The following FAR2 variants were observed in gnomAD, a reference collection of about 807,000 sequenced individuals.
FAR2 encodes fatty acyl-CoA reductase 2.
In FAR2, 19 loss-of-function variants were observed where a neutral mutation model predicts 56.0. The observed-to-expected ratio is 0.34, with a 90% CI of 0.24 to 0.50. The LOEUF (loss-of-function observed/expected upper bound fraction) is 0.50, where lower values mean the gene tolerates loss of function less well. Among genes scored for constraint, FAR2 ranks in the 20% least tolerant of loss-of-function variants. FAR2 has a pLI of 0.98. For synonymous variants in FAR2, 219 were observed against 218.8 expected (o/e 1.00, Z -0.01); for missense variants, 508 against 642.2 (o/e 0.79, Z 2.26).
intron 1 of FAR2, among the ~76,000 whole-genome samples, chr12:29,181,235 G>C (rs7309466): frequency 0.083 from 12,691 of 152,048 alleles, 620 homozygotes; most frequent in East Asian, 0.15. Context: ...AAGGTTGAAT[G>C]TTTTTTCTTT....
intron 10 of FAR2, among the ~76,000 whole-genome samples, chr12:29,331,219 T>G (rs1591978458): frequency 1.3e-5 from 2 of 152,018 alleles, no homozygotes; most frequent in South Asian, 4.2e-4. Context: ...GCTTTTTTTT[T>G]TTTTTAATGT....
chr12:29,263,277 A>T (rs1216395766), intron 1 of FAR2, among the ~76,000 whole-genome samples: 2 of 152,190 alleles, frequency 1.3e-5, no homozygotes, highest in East Asian at 3.8e-4. Context: ...ATTGAACTTA[A>T]TCTGCACTGT....
intron 1 of FAR2, among the ~76,000 whole-genome samples, chr12:29,169,283 G>A (rs1949863077): frequency 1.3e-5 from 2 of 152,172 alleles, no homozygotes; most frequent in Admixed American, 1.3e-4. Context: ...GTCCTCCAGA[G>A]GTGAACTCTT....
chr12:29,157,106 TTATATATATATATATATATATATA>T lies in FAR2; in HGVS notation c.-39+7715_-39+7738del, dbSNP rs5797307. On this transcript the variant is annotated intron_variant, in intron 1 of 11. Transcript: ENST00000536681. ...CACCAGTATTAAAGCAAAGAACATT[TTATATATATATATATATATATATA>T]TATATATATATATATGTATCAATGT... The T allele has an allele frequency of 1.1e-3, 78 of 73,450 alleles. 1 individual carries two copies. Among genetic ancestry groups the T allele is most frequent in the African/African-American group, 7.4e-4 (14 of 18,932 alleles). The allele number at this position is 73,450 out of a possible 1,614,324, so 4.5% of individuals were successfully genotyped here.
At chr12:29,323,697 G>C (rs1179085727) in intron 10 of FAR2, among the ~76,000 whole-genome samples, 10 of 152,184 alleles carry the variant, frequency 6.6e-5, no homozygotes, top group Non-Finnish European at 1.5e-4. Flanking sequence ...CTGACTGTTA[G>C]AAGGAAAACT....
chr12:29,332,559 C>A, intron 10 of FAR2, 41 bp from the exon 11 acceptor site: 1 of 1,611,738 alleles, frequency 6.2e-7, no homozygotes, highest in Non-Finnish European at 8.5e-7. Flanking sequence ...GACTGTCCAG[C>A]ACTGCAATTC....
chr12:29,296,999 C>A, intron 3 of FAR2, 22 bp from the exon 4 acceptor site: 1 of 1,566,532 alleles, frequency 6.4e-7, no homozygotes, highest in African/African-American at 1.4e-5. Flanking sequence ...CATTGTATTT[C>A]CTTCTGCTTA....
At chr12:29,245,895 C>G (rs2136670253) in intron 1 of FAR2, among the ~76,000 whole-genome samples, 1 of 152,210 alleles carries the variant, frequency 6.6e-6, no homozygotes, top group African/African-American at 2.4e-5. Flanking sequence ...ATTCCCACAT[C>G]TCCAATAATA....
chr12:29,288,726 C>T (rs558987264), intron 2 of FAR2, among the ~76,000 whole-genome samples: 2 of 152,224 alleles, frequency 1.3e-5, no homozygotes, highest in East Asian at 1.9e-4. Context: ...GTTTAGCAGT[C>T]GCTATCTGCT....
chr12:29,289,684 A>G (rs1201807981), intron 2 of FAR2, among the ~76,000 whole-genome samples: 1 of 152,228 alleles, frequency 6.6e-6, no homozygotes, highest in East Asian at 1.9e-4. Flanking sequence ...GCAAGAATGG[A>G]CAAATGGGAT....
At chr12:29,201,146 C>T (rs534438776) in intron 1 of FAR2, among the ~76,000 whole-genome samples, 3 of 152,084 alleles carry the variant, frequency 2.0e-5, no homozygotes, top group African/African-American at 7.2e-5. Context: ...TTGAAGGTTT[C>T]CTCTCTCTCC....
chr12:29,332,678 T>C lies in FAR2; in HGVS notation c.1336T>C (p.Leu446=), dbSNP rs368783704. ...NYVLGVKKYL[L]KEDMAGIPKA... is the part of the protein sequence containing the mutation. ...TGTTTTGGGAGTTAAAAAATACTTATTGAAAGAGGATATGGCTGGGATCCC... is the reference window on the plus strand; with the variant it reads ...TGTTTTGGGAGTTAAAAAATACTTACTGAAAGAGGATATGGCTGGGATCCC... Residue 446 remains leucine (L), a synonymous_variant, in exon 11 of 12, where the codon TTG becomes CTG. Coordinates refer to ENST00000536681, the MANE Select transcript of FAR2 (RefSeq NM_001271783.2). 65 of 1,613,596 alleles carry C rather than the reference T, an allele frequency of 4.0e-5. No individual in the cohort carries two copies. Among genetic ancestry groups the C allele is most frequent in the African/African-American group, 9.3e-5 (7 of 74,894 alleles).
intron 2 of FAR2, among the ~76,000 whole-genome samples, chr12:29,286,365 T>C (rs1948877038): frequency 2.0e-5 from 3 of 152,174 alleles, no homozygotes; most frequent in Non-Finnish European, 4.4e-5. Flanking sequence ...TCTAAGTCCA[T>C]ACTTTCCCTA....
intron 1 of FAR2, among the ~76,000 whole-genome samples, chr12:29,168,149 G>A (rs1262282734): frequency 6.7e-6 from 1 of 150,044 alleles, no homozygotes; most frequent in African/African-American, 2.5e-5. Flanking sequence ...TTCCTGCACA[G>A]TTAGTTTATC....
rs1361813801 is a variant in FAR2, at chr12:29,279,242, A to C, written c.189+8604A>C. On this transcript the variant is annotated intron_variant, in intron 2 of 11. Transcript: ENST00000536681. The stretch of plus-strand genomic sequence containing the variant: ...TCATCTTTCATTTCTCATGGGCTCC[A>C]TACCAAGTTGATCCAGACCAGGCCA... Among the ~76,000 whole-genome samples the C allele has an allele frequency of 4.6e-5, 7 of 152,236 alleles. 1 individual carries two copies. The highest frequency in any genetic ancestry group is 1.0e-4 in the Non-Finnish European group (7 of 68,040).
chr12:29,316,391 C>T (rs539425437), intron 8 of FAR2, among the ~76,000 whole-genome samples: 90 of 152,304 alleles, frequency 5.9e-4, no homozygotes, highest in Admixed American at 4.3e-3. Flanking sequence ...AGAATCTTTA[C>T]AATCTTTTAC....
chr12:29,251,606 A>G (rs1948212076), intron 1 of FAR2, among the ~76,000 whole-genome samples: 1 of 152,186 alleles, frequency 6.6e-6, no homozygotes, highest in Non-Finnish European at 1.5e-5. Context: ...ACTGGAAAAG[A>G]TATCCTGAGC....
intron 1 of FAR2, among the ~76,000 whole-genome samples, chr12:29,196,313 T>A (rs557545978): frequency 1.3e-5 from 2 of 152,268 alleles, no homozygotes; most frequent in East Asian, 3.9e-4. Context: ...CAACAGTATA[T>A]AAGCATTCTC....
chr12:29,153,268 G>A (rs1335835759), intron 1 of FAR2, among the ~76,000 whole-genome samples: 4 of 152,204 alleles, frequency 2.6e-5, no homozygotes, highest in Non-Finnish European at 5.9e-5. Flanking sequence ...TTGGTGTTCT[G>A]AGAAGGCTTG....
Sources: allele counts gnomAD v4.1 joint callset (sites outside exome capture counted in the v4.1 genomes callset), GRCh38; gene constraint gnomAD v4.1.1; transcripts MANE v1.5; gene names NCBI Gene and HGNC (gene_info 2026-07-23, HGNC 2026-07-21).